Variants in KLHL29 observed in about 807,000 individuals in gnomAD.
The protein encoded by KLHL29 is kelch like family member 29.
KLHL29 carries 21 observed loss-of-function variants against 80.4 expected under a neutral mutation model. The observed-to-expected ratio is 0.26, with a 90% confidence interval of 0.19 to 0.38. The LOEUF (loss-of-function observed/expected upper bound fraction) is 0.38, where lower values mean the gene tolerates loss of function less well. Ranked by LOEUF, KLHL29 falls within the 10% of genes least tolerant of loss-of-function variation. The pLI, the probability that KLHL29 is intolerant of heterozygous loss-of-function variation, is 1.00. For synonymous variants in KLHL29, 511 were observed against 526.8 expected, an observed-to-expected ratio of 0.97 and a Z score of 0.41; for missense variants, 867 against 1,223.9, an observed-to-expected ratio of 0.71 and a Z score of 4.35.
intron 4 of KLHL29, among the ~76,000 whole-genome samples, chr2:23,641,941 G>A (rs548771983): frequency 3.3e-4 from 50 of 152,248 alleles, no homozygotes; most frequent in Admixed American, 7.8e-4. Flanking sequence ...CTGAGATCGC[G>A]CCACTACACT....
chr2:23,387,243 A>T (rs573821666), intron 1 of KLHL29, among the ~76,000 whole-genome samples: 3 of 152,238 alleles, frequency 2.0e-5, no homozygotes, highest in Non-Finnish European at 4.4e-5. Flanking sequence ...GCTCAGCGGC[A>T]TCCCGGCCCG....
At chr2:23,572,702 T>A (rs1667743703) in intron 3 of KLHL29, among the ~76,000 whole-genome samples, 1 of 145,840 alleles carries the variant, frequency 6.9e-6, no homozygotes, top group Non-Finnish European at 1.5e-5. Context: ...AGTGATTTCT[T>A]TTTTTTTTTT....
At chr2:23,609,173 C>T (rs1270067130) in intron 3 of KLHL29, among the ~76,000 whole-genome samples, 12 of 152,274 alleles carry the variant, frequency 7.9e-5, no homozygotes, top group Admixed American at 7.2e-4. Context: ...GATGCTGGAA[C>T]ATGAGGGTAA....
Position 23,414,052 on chromosome 2 carries a change from A to T in KLHL29, c.-154+28272A>T, listed in dbSNP as rs1257682187. 2.6e-5 allele frequency among the ~76,000 whole-genome samples: 4 copies of T among 152,244 alleles called. No individual in the cohort carries two copies. The East Asian group carries it at 7.7e-4, about 29-fold the overall frequency. ...CTGTGCTGTTCCCCAGATGGAGTCC[A>T]TTCCATTAAAGGACTGGAAAACAGA... is the stretch of plus-strand genomic sequence containing the variant. On this transcript the variant is annotated intron_variant, in intron 1 of 13. Transcript: ENST00000486442.
At chr2:23,489,715 G>T (rs1214383014) in intron 2 of KLHL29, among the ~76,000 whole-genome samples, 1 of 151,876 alleles carries the variant, frequency 6.6e-6, no homozygotes, top group Non-Finnish European at 1.5e-5. Flanking sequence ...GAGTGAATGT[G>T]CCTGGCCCCT....
At chr2:23,614,864 G>A (rs1442768802) in intron 3 of KLHL29, among the ~76,000 whole-genome samples, 2 of 152,218 alleles carry the variant, frequency 1.3e-5, no homozygotes, top group Non-Finnish European at 2.9e-5. Flanking sequence ...TCCGGTGGTG[G>A]GAAGATGTGG....
intron 1 of KLHL29, among the ~76,000 whole-genome samples, chr2:23,449,122 C>T (rs1194530584): frequency 6.6e-6 from 1 of 152,110 alleles, no homozygotes; most frequent in African/African-American, 2.4e-5. Context: ...TGTACTGCCT[C>T]ACAGGAATCC....
Position 23,706,429 on chromosome 2 carries a change from G to C in KLHL29, c.2445-52G>C, listed in dbSNP as rs1472420950. 2.2e-6 allele frequency: 3 copies of C among 1,368,964 alleles called. No individual in the cohort carries two copies. The East Asian group carries it at 8.7e-5, about 40-fold the overall frequency. The allele number at this position is 1,368,964 out of a possible 1,614,324, so 84.8% of individuals were successfully genotyped here. A position where few individuals can be genotyped will look rare whatever the true frequency, so the allele number is the denominator to read the frequency against. On this transcript the variant is annotated intron_variant, in intron 13 of 13. Coordinates refer to ENST00000486442, the MANE Select transcript of KLHL29 (RefSeq NM_052920.2). Reference sequence around the variant, plus strand: ...ACACGACGTTGAGAACCTATCTCCAGGGCCAAGTTGGAAGTGAAATGCCTA... The same window carrying C: ...ACACGACGTTGAGAACCTATCTCCACGGCCAAGTTGGAAGTGAAATGCCTA...
intron 2 of KLHL29, among the ~76,000 whole-genome samples, chr2:23,501,159 C>T (rs1044059091): frequency 1.3e-5 from 2 of 152,050 alleles, no homozygotes; most frequent in Non-Finnish European, 2.9e-5. Flanking sequence ...GCTGATGGCC[C>T]GGACTCCAAT....
chr2:23,445,683 C>T (rs748574107), intron 1 of KLHL29, among the ~76,000 whole-genome samples: 1 of 152,214 alleles, frequency 6.6e-6, no homozygotes, highest in Non-Finnish European at 1.5e-5. Flanking sequence ...GCTACATTCT[C>T]CTCTCTGGGG....
intron 3 of KLHL29, among the ~76,000 whole-genome samples, chr2:23,614,901 C>G (rs1412012801): frequency 6.6e-6 from 1 of 152,152 alleles, no homozygotes; most frequent in Non-Finnish European, 1.5e-5. Context: ...AGAGGGGCGC[C>G]CTGGGCCCTG....
intron 5 of KLHL29, among the ~76,000 whole-genome samples, chr2:23,671,128 C>G (rs1670739884): frequency 6.6e-6 from 1 of 151,406 alleles, no homozygotes. Flanking sequence ...TTTCATTTCC[C>G]TCTTTACCTA....
intron 3 of KLHL29, among the ~76,000 whole-genome samples, chr2:23,579,999 A>G (rs1667939591): frequency 6.6e-6 from 1 of 152,224 alleles, no homozygotes; most frequent in Non-Finnish European, 1.5e-5. Flanking sequence ...AAGCTGCTTA[A>G]CCATTGTGTG....
At chr2:23,471,809 C>T (rs1007389529) in intron 1 of KLHL29, among the ~76,000 whole-genome samples, 1 of 152,198 alleles carries the variant, frequency 6.6e-6, no homozygotes, top group African/African-American at 2.4e-5. Context: ...ACCTGCCTCC[C>T]TGTGATTTCC....
intron 2 of KLHL29, among the ~76,000 whole-genome samples, chr2:23,504,356 G>A (rs890006245): frequency 6.6e-6 from 1 of 152,212 alleles, no homozygotes; most frequent in Admixed American, 6.5e-5. Flanking sequence ...AGTTTTCAGG[G>A]TCGGAGTGGG....
intron 3 of KLHL29, among the ~76,000 whole-genome samples, chr2:23,576,502 G>A (rs955232364): frequency 1.5e-4 from 23 of 152,110 alleles, no homozygotes; most frequent in African/African-American, 5.3e-4. Context: ...ACATTAAAAA[G>A]GCGTTCTGAA....
intron 2 of KLHL29, among the ~76,000 whole-genome samples, chr2:23,561,653 T>G (rs1399972408): frequency 6.6e-6 from 1 of 152,116 alleles, no homozygotes; most frequent in Non-Finnish European, 1.5e-5. Flanking sequence ...CTGGGAACCA[T>G]CCATGCCCTG....
intron 3 of KLHL29, among the ~76,000 whole-genome samples, chr2:23,573,343 C>T (rs1451637961): frequency 2.6e-5 from 4 of 152,062 alleles, no homozygotes; most frequent in African/African-American, 4.8e-5. Context: ...AGTACTTTAC[C>T]AATGTGAACT....
chr2:23,471,585 C>G (rs1450052308), intron 1 of KLHL29, among the ~76,000 whole-genome samples: 1 of 152,152 alleles, frequency 6.6e-6, no homozygotes, highest in Non-Finnish European at 1.5e-5. Flanking sequence ...GCTGAAAGTC[C>G]TAAGACCCCT....
Sources: gnomAD v4.1 joint callset for allele counts (sites outside exome capture counted in the v4.1 genomes callset) on GRCh38, gnomAD v4.1.1 for gene constraint, MANE v1.5 for transcripts, NCBI Gene and HGNC (gene_info 2026-07-23, HGNC 2026-07-21) for gene names.